Variants in SLC35G2 observed in about 807,000 individuals in gnomAD.
The protein encoded by SLC35G2 is solute carrier family 35 member G2.
SLC35G2 carries 20 observed loss-of-function variants against 27.2 expected under a neutral mutation model. That is an observed-to-expected ratio of 0.74 (90% CI 0.52 to 1.07). SLC35G2 has a LOEUF of 1.07. Among genes scored for constraint, SLC35G2 ranks in the 50% least tolerant of loss-of-function variants. The pLI, the probability that SLC35G2 is intolerant of heterozygous loss-of-function variation, is 0.00. For missense variants in SLC35G2, 416 were observed against 493.3 expected (o/e 0.84, Z 1.48); for synonymous variants, 148 against 165.3 (o/e 0.90, Z 0.80).
intron 1 of SLC35G2, chr3:136,820,506 C>T (rs1936428324): frequency 6.6e-6 from 1 of 152,188 alleles, no homozygotes; most frequent in African/African-American, 2.4e-5. Flanking sequence ...TGTGGCTTGC[C>T]TTGGAGGTAC....
intron 1 of SLC35G2, among the ~76,000 whole-genome samples, chr3:136,824,318 G>A (rs1160444082): frequency 2.0e-5 from 3 of 152,068 alleles, no homozygotes; most frequent in African/African-American, 7.2e-5. Context: ...GGGTAGTATA[G>A]ACAGTTTAAC....
chr3:136,841,101 T>C (rs1487232102), intron 1 of SLC35G2, among the ~76,000 whole-genome samples: 1 of 151,836 alleles, frequency 6.6e-6, no homozygotes, highest in Non-Finnish European at 1.5e-5. Flanking sequence ...AGTGCTGGGA[T>C]TGCAGGCATG....
At chr3:136,841,058 G>T (rs1436470467) in intron 1 of SLC35G2, among the ~76,000 whole-genome samples, 3 of 150,348 alleles carry the variant, frequency 2.0e-5, no homozygotes, top group African/African-American at 7.4e-5. Context: ...GAACTCCTGA[G>T]CTCAAAGTGA....
chr3:136,835,724 T>C (rs1007756589), intron 1 of SLC35G2, among the ~76,000 whole-genome samples: 4 of 152,160 alleles, frequency 2.6e-5, no homozygotes, highest in Non-Finnish European at 4.4e-5. Flanking sequence ...TACAGAAGTT[T>C]TTTCCTCTCC....
rs1937941094 is a variant in SLC35G2, at chr3:136,855,232, T to C, written c.772T>C (p.Tyr258His). ...AAATGCCTGGAAAGAAGCCTTTGGG[T>C]ACACCATGACTGTGATGGCTGGACT... ...LLNAWKEAFG[Y>H]TMTVMAGLTT... Residue 258 changes from tyrosine to histidine, a missense_variant, in exon 2 of 2, where the codon TAC (tyrosine) becomes CAC (histidine). Physicochemically the swap from Tyr to His is moderately conservative, Grantham distance 83 (BLOSUM62 2). Transcript: ENST00000446465. 8 of 1,614,210 alleles carry C rather than the reference T, an allele frequency of 5.0e-6. No individual in the cohort carries two copies. The highest frequency in any genetic ancestry group is 6.8e-6 in the Non-Finnish European group (8 of 1,180,036).
intron 1 of SLC35G2, among the ~76,000 whole-genome samples, chr3:136,827,227 CT>C (rs1936609451): frequency 6.9e-6 from 1 of 144,694 alleles, no homozygotes; most frequent in Admixed American, 6.9e-5. Flanking sequence ...TTTTTTTTTC[CT>C]TTTAAACAGA....
intron 1 of SLC35G2, among the ~76,000 whole-genome samples, chr3:136,836,956 A>G (rs1318192257): frequency 3.3e-5 from 5 of 152,130 alleles, no homozygotes; most frequent in Admixed American, 2.0e-4. Context: ...AAATCTGTTC[A>G]TGTTTTAGAG....
rs1576889019 is a variant in SLC35G2 at position 136,829,627 on chromosome 3, C to T, written c.-19+9999C>T. The stretch of plus-strand genomic sequence containing the variant: ...GTCTGGTGTTGATGAAATCCCTCAA[C>T]TTTTATTTGTCTGGGAAACTATTTC... On this transcript the variant is annotated intron_variant, in intron 1 of 1. Coordinates refer to ENST00000446465, the MANE Select transcript of SLC35G2 (RefSeq NM_025246.3). Among the ~76,000 whole-genome samples the T allele has an allele frequency of 2.0e-5, 3 of 152,120 alleles. No homozygotes were observed. The South Asian group carries it at 6.2e-4, about 32-fold the overall frequency.
At chr3:136,847,811 T>TA (rs1937458268) in intron 1 of SLC35G2, among the ~76,000 whole-genome samples, 1 of 151,890 alleles carries the variant, frequency 6.6e-6, no homozygotes, top group Admixed American at 6.6e-5. Context: ...TCTACTAAAA[T>TA]ACAAAAATTA....
chr3:136,819,951 G>C (rs1019322034), intron 1 of SLC35G2: 1 of 152,244 alleles, frequency 6.6e-6, no homozygotes, highest in African/African-American at 2.4e-5. Flanking sequence ...TCCTCACAGT[G>C]CTCTGGGCGC....
At chr3:136,833,890 A>G (rs1351753668) in intron 1 of SLC35G2, among the ~76,000 whole-genome samples, 1 of 152,074 alleles carries the variant, frequency 6.6e-6, no homozygotes, top group Non-Finnish European at 1.5e-5. Context: ...ATGGTCTTTA[A>G]TTCTATGTAT....
chr3:136,843,567 GC>G (rs1937205471), intron 1 of SLC35G2, among the ~76,000 whole-genome samples: 1 of 151,198 alleles, frequency 6.6e-6, no homozygotes, highest in African/African-American at 2.4e-5. Context: ...AATCCCTTGA[GC>G]CCAGGAGGTG....
chr3:136,844,319 C>T (rs1421319966), intron 1 of SLC35G2, among the ~76,000 whole-genome samples: 1 of 151,044 alleles, frequency 6.6e-6, no homozygotes, highest in Non-Finnish European at 1.5e-5. Context: ...GAAACCCTGT[C>T]TCTACTAAAA....
intron 1 of SLC35G2, among the ~76,000 whole-genome samples, chr3:136,852,493 T>C (rs968096705): frequency 5.3e-5 from 8 of 151,734 alleles, no homozygotes; most frequent in African/African-American, 1.9e-4. Flanking sequence ...TTTTTTTTCT[T>C]TTTCTTTTTT....
In SLC35G2 at chr3:136,854,711, T is replaced by C. The variant is rs1488310952; in HGVS notation, c.251T>C (p.Ile84Thr). 15 of 1,614,024 alleles carry C rather than the reference T, an allele frequency of 9.3e-6. No individual in the cohort carries two copies. The highest frequency in any genetic ancestry group is 1.2e-5 in the Non-Finnish European group (14 of 1,180,010). The part of the protein sequence containing the change: ...TLPPPTEDPM[I>T]NEIGQFQSFA... Reference sequence around the variant, plus strand: ...CCTCCACCAACAGAAGACCCAATGATCAATGAGATTGGACAATTCCAGAGC... The same window carrying C: ...CCTCCACCAACAGAAGACCCAATGACCAATGAGATTGGACAATTCCAGAGC... The change falls in exon 2 of 2, where the codon ATC (isoleucine) becomes ACC (threonine). Residue 84 changes from isoleucine (I) to threonine (T), a missense_variant. Ile to Thr is a moderately conservative substitution (Grantham distance 89). Transcript: ENST00000446465.
chr3:136,823,723 G>T (rs1217764480), intron 1 of SLC35G2, among the ~76,000 whole-genome samples: 1 of 151,442 alleles, frequency 6.6e-6, no homozygotes, highest in African/African-American at 2.4e-5. Context: ...AGCCTCCTGA[G>T]TAGCTGGGAT....
chr3:136,845,052 T>G (rs1410292950), intron 1 of SLC35G2, among the ~76,000 whole-genome samples: 1 of 152,154 alleles, frequency 6.6e-6, no homozygotes, highest in Non-Finnish European at 1.5e-5. Flanking sequence ...ATTATGTAAT[T>G]TTTAATGACA....
intron 1 of SLC35G2, among the ~76,000 whole-genome samples, chr3:136,833,383 T>C (rs760980488): frequency 6.6e-6 from 1 of 152,166 alleles, no homozygotes; most frequent in Non-Finnish European, 1.5e-5. Context: ...ACTGGCTGTT[T>C]TGAGAAGGAG....
intron 1 of SLC35G2, among the ~76,000 whole-genome samples, 198 bp from the exon 2 acceptor site, chr3:136,854,245 A>T (rs1010868807): frequency 6.6e-6 from 1 of 152,212 alleles, no homozygotes; most frequent in Non-Finnish European, 1.5e-5. Flanking sequence ...TTCAGATGAG[A>T]GTGAAAAAAG....
Sources: allele counts gnomAD v4.1 joint callset (sites outside exome capture counted in the v4.1 genomes callset), GRCh38; gene constraint gnomAD v4.1.1; transcripts MANE v1.5; gene names NCBI Gene and HGNC (gene_info 2026-07-23, HGNC 2026-07-21).